MCC: variants seen among roughly 807,000 people sequenced by gnomAD.
The protein encoded by MCC is MCC regulator of Wnt signaling pathway, also known as colorectal mutant cancer protein.
Under a neutral mutation model 116.2 loss-of-function variants are expected in MCC, and 90 were observed. The ratio of observed to expected loss-of-function variants is 0.77; its 90% CI spans 0.65 to 0.92. The LOEUF is 0.92. Among genes scored for constraint, MCC ranks in the 40% least tolerant of loss-of-function variants. The pLI, the probability that MCC is intolerant of heterozygous loss-of-function variation, is 0.00. For missense variants in MCC, 1,516 were observed against 1,312.2 expected (o/e 1.16, Z -2.40); for synonymous variants, 578 against 510.5 (o/e 1.13, Z -1.78).
chr5:113,217,524 T>C (rs777503192), intron 3 of MCC, among the ~76,000 whole-genome samples: 5 of 148,846 alleles, frequency 3.4e-5, no homozygotes, highest in Non-Finnish European at 7.4e-5. Flanking sequence ...ACAGAGATAC[T>C]TGAGTTTTGT....
At chr5:113,130,112 A>T (rs80245010) in intron 5 of MCC, among the ~76,000 whole-genome samples, 1 of 151,352 alleles carries the variant, frequency 6.6e-6, no homozygotes, top group Non-Finnish European at 1.5e-5. Flanking sequence ...TAGACTGGAT[A>T]AAAAAAATGT....
chr5:113,295,564 C>T (rs1766686191), intron 3 of MCC, among the ~76,000 whole-genome samples: 1 of 145,576 alleles, frequency 6.9e-6, no homozygotes, highest in South Asian at 2.1e-4. Flanking sequence ...CCCAGACCTT[C>T]CTTAATTGAG....
At position 113,122,750 on chromosome 5, in the gene MCC, T is replaced by C. The variant is rs568845259; in HGVS notation, c.961A>G (p.Met321Val). The C allele has an allele frequency of 3.7e-6, 6 of 1,614,202 alleles. No individual in the cohort carries two copies. The African/African-American group carries it at 5.3e-5, about 14-fold the overall frequency. Reference sequence around the variant, plus strand: ...GAGACAGAGGTCTGGTCTTGGTCCATGCTTCGAGAGTCCTCGTTGACCTCG... The same window carrying C: ...GAGACAGAGGTCTGGTCTTGGTCCACGCTTCGAGAGTCCTCGTTGACCTCG... ...QHEVNEDSRS[M>V]DQDQTSVSIP... The change falls in exon 6 of 19, where the codon ATG becomes GTG. Residue 321 changes from methionine (M) to valine (V), a missense_variant. By Grantham distance (21) the Met-to-Val change is conservative. Transcript: ENST00000408903.
intron 3 of MCC, among the ~76,000 whole-genome samples, chr5:113,190,116 T>C (rs1762081591): frequency 6.6e-6 from 1 of 152,222 alleles, no homozygotes; most frequent in African/African-American, 2.4e-5. Flanking sequence ...AAGGTCCCCT[T>C]ATTTCCTGCC....
At chr5:113,130,461 G>C (rs1326519936) in intron 5 of MCC, among the ~76,000 whole-genome samples, 1 of 152,034 alleles carries the variant, frequency 6.6e-6, no homozygotes, top group African/African-American at 2.4e-5. Flanking sequence ...ATGTATCCCA[G>C]AACTTAGGTA....
intron 1 of MCC, among the ~76,000 whole-genome samples, chr5:113,401,792 C>T (rs1221164918): frequency 4.0e-5 from 6 of 150,740 alleles, no homozygotes; most frequent in Non-Finnish European, 7.4e-5. Flanking sequence ...TATATATTCT[C>T]CTCTAGAAGT....
At chr5:113,135,369 G>A (rs13163478) in intron 5 of MCC, among the ~76,000 whole-genome samples, 147,207 of 148,358 alleles carry the variant, frequency 0.99, 73,045 homozygotes, top group East Asian at 1. Flanking sequence ...CCTGGCTAAC[G>A]TGGTGAAACA....
intron 2 of MCC, among the ~76,000 whole-genome samples, chr5:113,373,443 A>AT (rs1199749541): frequency 6.6e-6 from 1 of 152,240 alleles, no homozygotes; most frequent in Non-Finnish European, 1.5e-5. Context: ...GATAAATAAC[A>AT]TACATCTGAC....
intron 5 of MCC, among the ~76,000 whole-genome samples, chr5:113,142,627 C>T (rs1759245912): frequency 6.6e-6 from 1 of 152,166 alleles, no homozygotes; most frequent in African/African-American, 2.4e-5. Context: ...AGCTTTTTCA[C>T]CAGTAAAATG....
intron 3 of MCC, among the ~76,000 whole-genome samples, chr5:113,242,538 G>T (rs1764411172): frequency 6.7e-6 from 1 of 150,142 alleles, no homozygotes; most frequent in Non-Finnish European, 1.5e-5. Context: ...TTAATTATTA[G>T]TTTTTTTTTT....
intron 11 of MCC, among the ~76,000 whole-genome samples, chr5:113,075,763 G>A (rs1754406569): frequency 6.6e-6 from 1 of 152,218 alleles, no homozygotes; most frequent in South Asian, 2.1e-4. Flanking sequence ...CTTCCATGCT[G>A]TGGAAGCTTT....
chr5:113,283,040 T>C (rs953023356), intron 3 of MCC, among the ~76,000 whole-genome samples: 5 of 152,250 alleles, frequency 3.3e-5, no homozygotes, highest in African/African-American at 1.2e-4. Context: ...AGTTGCTGGG[T>C]GTCGGCCTGT....
chr5:113,318,570 T>A (rs1767345079), intron 3 of MCC, among the ~76,000 whole-genome samples: 1 of 152,138 alleles, frequency 6.6e-6, no homozygotes, highest in African/African-American at 2.4e-5. Context: ...CTTAGCAAAC[T>A]AACGCAGGAA....
At chr5:113,066,375 G>A (rs1325382931) in intron 13 of MCC, among the ~76,000 whole-genome samples, 1 of 152,110 alleles carries the variant, frequency 6.6e-6, no homozygotes. Context: ...TTTAGGATCT[G>A]TTTCATATGA....
At chr5:113,452,770 G>A (rs756987534) in intron 1 of MCC, among the ~76,000 whole-genome samples, 3 of 152,216 alleles carry the variant, frequency 2.0e-5, no homozygotes, top group Non-Finnish European at 4.4e-5. Context: ...TAATGTTCAA[G>A]TCTAAGATTA....
In MCC at chr5:113,033,545, G is replaced by C. The variant is rs181734746; in HGVS notation, c.2757-4489C>G. Among the ~76,000 whole-genome samples the C allele has an allele frequency of 1.1e-4, 17 of 152,190 alleles. No individual in the cohort carries two copies. The East Asian group carries it at 3.1e-3, about 28-fold the overall frequency. ...CTTTCGTTAAGATTTTATATGGTTT[G>C]GGTACATAAGTTAGGCCAAAACAAG... On this transcript the variant is annotated intron_variant, in intron 17 of 18. Transcript: ENST00000408903.
intron 10 of MCC, among the ~76,000 whole-genome samples, chr5:113,083,615 G>A (rs1755009708): frequency 6.6e-6 from 1 of 152,134 alleles, no homozygotes; most frequent in Non-Finnish European, 1.5e-5. Flanking sequence ...ACAGTCCCAG[G>A]GGGTTTCCAG....
intron 16 of MCC, among the ~76,000 whole-genome samples, chr5:113,046,446 G>A (rs543915179): frequency 6.6e-6 from 1 of 151,898 alleles, no homozygotes; most frequent in Admixed American, 6.5e-5. Context: ...CCCGCCTCGG[G>A]TTCCCAAAGT....
rs114426034 is a variant in MCC, at chr5:113,185,606, T to C, written c.628-34184A>G. Among the ~76,000 whole-genome samples, 990 of 152,308 alleles carry C rather than the reference T, an allele frequency of 6.5e-3. 9 individuals are homozygous for C. Among genetic ancestry groups the C allele is most frequent in the African/African-American group, 0.022 (899 of 41,564 alleles). The stretch of plus-strand genomic sequence containing the variant: ...AAAAAGGTAAGAAAGAGAATCATTA[T>C]TCTCAAAAGTGAGCATATTTTAAAA... On this transcript the variant is annotated intron_variant, in intron 3 of 18. Coordinates refer to ENST00000408903, the MANE Select transcript of MCC (RefSeq NM_001085377.2).
Sources: allele counts gnomAD v4.1 joint callset (sites outside exome capture counted in the v4.1 genomes callset), GRCh38; gene constraint gnomAD v4.1.1; transcripts MANE v1.5; gene names NCBI Gene and HGNC (gene_info 2026-07-23, HGNC 2026-07-21).